The following SEMA3A variants were observed in gnomAD, a reference collection of about 807,000 sequenced individuals.
SEMA3A encodes the protein semaphorin 3A, also known as semaphorin-3A.
Under a neutral mutation model 97.9 loss-of-function variants are expected in SEMA3A, and 29 were observed. That is an observed-to-expected ratio of 0.30 (90% CI 0.22 to 0.40). SEMA3A has a LOEUF of 0.40. SEMA3A is among the 10% of genes least tolerant of loss of function. The probability of loss-of-function intolerance (pLI) is 1.00; values close to 1 mark genes in which losing one functional copy is unlikely to be tolerated. For synonymous variants in SEMA3A, 321 were observed against 323.7 expected, an observed-to-expected ratio of 0.99 and a Z score of 0.09; for missense variants, 763 against 951.3, an observed-to-expected ratio of 0.80 and a Z score of 2.60.
intron 12 of SEMA3A, among the ~76,000 whole-genome samples, chr7:83,990,572 G>A (rs1789867082): frequency 6.9e-6 from 1 of 144,172 alleles, no homozygotes; most frequent in Non-Finnish European, 1.5e-5. Flanking sequence ...TTATTAAATA[G>A]GGAATCCTTT....
In SEMA3A at chr7:84,078,174, A is replaced by T. The variant is rs972013781; in HGVS notation, c.454-17616T>A. Among the ~76,000 whole-genome samples the T allele has an allele frequency of 5.3e-5, 8 of 152,158 alleles. No homozygotes were observed. The East Asian group carries it at 1.4e-3, about 26-fold the overall frequency. On this transcript the variant is annotated intron_variant, in intron 4 of 16. Transcript: ENST00000265362. ...TTTACAATGACCATACAAGATATGT[A>T]TTACAATAAGTAGGGTCCCTGTATC...
intron 2 of SEMA3A, among the ~76,000 whole-genome samples, chr7:84,313,779 G>T (rs112289367): frequency 6.6e-6 from 1 of 152,008 alleles, no homozygotes; most frequent in East Asian, 1.9e-4. Flanking sequence ...GCCCTCTCAC[G>T]TAAGCTATTT....
chr7:84,355,502 T>G lies in SEMA3A; in HGVS notation c.-169+16322A>C, dbSNP rs867365279. ...AACTGCACAGAGAAAGAAGAGTGCA[T>G]TTCTTAAGGTCTAAATTTACGTAAC... On this transcript the variant is annotated intron_variant, in intron 2 of 3. Transcript: ENST00000424555. Among the ~76,000 whole-genome samples, 2 of 151,946 alleles carry G rather than the reference T, an allele frequency of 1.3e-5. 1 individual carries two copies. The highest frequency in any genetic ancestry group is 4.1e-4 in the South Asian group (2 of 4,820).
chr7:84,468,848 T>A (rs1043986928), intron 1 of SEMA3A, among the ~76,000 whole-genome samples: 2 of 152,082 alleles, frequency 1.3e-5, no homozygotes, highest in African/African-American at 4.8e-5. Flanking sequence ...TTCTCTTTAG[T>A]AAAATACTCT....
At chr7:84,437,839 C>A (rs1805176531) in intron 1 of SEMA3A, among the ~76,000 whole-genome samples, 1 of 151,828 alleles carries the variant, frequency 6.6e-6, no homozygotes, top group Non-Finnish European at 1.5e-5. Flanking sequence ...TGCTGTTTTT[C>A]AGAAACAATT....
At chr7:84,136,152 G>A (rs1222867776) in intron 1 of SEMA3A, among the ~76,000 whole-genome samples, 1 of 152,060 alleles carries the variant, frequency 6.6e-6, no homozygotes, top group African/African-American at 2.4e-5. Flanking sequence ...GATTTTTCGG[G>A]TGCACACTTA....
intron 2 of SEMA3A, among the ~76,000 whole-genome samples, chr7:84,336,717 G>C (rs1275704806): frequency 6.6e-6 from 1 of 152,078 alleles, no homozygotes; most frequent in Non-Finnish European, 1.5e-5. Context: ...TCATCAGAAA[G>C]AAACATCCTC....
At chr7:84,084,957 T>TTTACAGC (rs1794285327) in intron 4 of SEMA3A, among the ~76,000 whole-genome samples, 1 of 151,616 alleles carries the variant, frequency 6.6e-6, no homozygotes, top group Non-Finnish European at 1.5e-5. Context: ...AGCTTTACAG[T>TTTACAGC]TGATTACTAA....
chr7:84,052,996 G>T (rs1304488911), intron 5 of SEMA3A, among the ~76,000 whole-genome samples: 1 of 150,626 alleles, frequency 6.6e-6, no homozygotes, highest in East Asian at 2.0e-4. Context: ...GGAGCAGGTT[G>T]TCCAGTTTCC....
chr7:84,378,156 T>C (rs574899721), intron 1 of SEMA3A, among the ~76,000 whole-genome samples: 3 of 152,118 alleles, frequency 2.0e-5, no homozygotes, highest in African/African-American at 7.2e-5. Flanking sequence ...TTCCAATATT[T>C]CTGGGTAAAT....
At chr7:84,042,963 C>A (rs2115564804) in intron 6 of SEMA3A, among the ~76,000 whole-genome samples, 1 of 151,986 alleles carries the variant, frequency 6.6e-6, no homozygotes, top group East Asian at 1.9e-4. Flanking sequence ...ATACACAGAA[C>A]AATTTTACTT....
chr7:84,158,867 G>T (rs1051988484), intron 1 of SEMA3A, among the ~76,000 whole-genome samples: 1 of 151,542 alleles, frequency 6.6e-6, no homozygotes, highest in African/African-American at 2.4e-5. Flanking sequence ...TAATAGCAAA[G>T]AAAATTTGTA....
chr7:83,992,853 G>C (rs10247936), intron 12 of SEMA3A, among the ~76,000 whole-genome samples: 23,760 of 151,982 alleles, frequency 0.16, 2,180 homozygotes, highest in Non-Finnish European at 0.21. Flanking sequence ...GCAGAGCTGA[G>C]TTCAATTCCT....
chr7:84,087,631 C>T (rs1032951766), intron 4 of SEMA3A, among the ~76,000 whole-genome samples: 4 of 152,004 alleles, frequency 2.6e-5, no homozygotes, highest in Non-Finnish European at 4.4e-5. Context: ...AGATGGCTTC[C>T]CTAGAGGACA....
chr7:83,961,382 T>C lies in SEMA3A; in HGVS notation c.2305A>G (p.Arg769Gly). 6.2e-7 allele frequency: 1 copy of C among 1,613,934 alleles called. No individual in the cohort carries two copies. Among genetic ancestry groups the C allele is most frequent in the Non-Finnish European group, 8.5e-7 (1 of 1,179,794 alleles). ...AGAGGTAATGCAGCTCAGACACTCCTGGGTGCCCTCTCAAATTCGTGGGTC... is the reference window on the plus strand; with the variant it reads ...AGAGGTAATGCAGCTCAGACACTCCCGGGTGCCCTCTCAAATTCGTGGGTC... ...RRTHEFERAP[R>G]SV Residue 769 changes from arginine (R) to glycine (G), a missense_variant, in exon 17 of 17, where the codon AGG (arginine) becomes GGG (glycine). By Grantham distance (125) the Arg-to-Gly change is moderately radical. Around this residue, in one of 2 missense-constraint regions of SEMA3A, gnomAD observed 678 missense variants for 881.3 expected, o/e 0.77. Transcript: ENST00000265362.
chr7:84,447,146 G>A (rs890571059), intron 1 of SEMA3A, among the ~76,000 whole-genome samples: 1 of 152,204 alleles, frequency 6.6e-6, no homozygotes, highest in Non-Finnish European at 1.5e-5. Context: ...GGGTGGTGCT[G>A]ACATGCCAGC....
chr7:84,298,411 GAAAGATA>G (rs1800920099), intron 3 of SEMA3A, among the ~76,000 whole-genome samples: 1 of 152,148 alleles, frequency 6.6e-6, no homozygotes, highest in Middle Eastern at 3.4e-3. Context: ...AGACAAGGAG[GAAAGATA>G]AAAGTGACCA....
chr7:84,205,145 A>G (rs1195012034), intron 3 of SEMA3A, among the ~76,000 whole-genome samples: 1 of 152,198 alleles, frequency 6.6e-6, no homozygotes, highest in African/African-American at 2.4e-5. Flanking sequence ...TAGGAAGCAG[A>G]GAAGTTAAGG....
chr7:84,395,359 A>AATAGG (rs1803699670), intron 1 of SEMA3A, among the ~76,000 whole-genome samples: 2 of 65,772 alleles, frequency 3.0e-5, no homozygotes, highest in Admixed American at 1.7e-4. Flanking sequence ...AACCCATAGG[A>AATAGG]AAAAAAAAAA....
Sources: allele counts gnomAD v4.1 joint callset (sites outside exome capture counted in the v4.1 genomes callset), GRCh38; gene constraint gnomAD v4.1.1; regional missense constraint gnomAD v4.1.1; transcripts MANE v1.5; gene names NCBI Gene and HGNC (gene_info 2026-07-23, HGNC 2026-07-21).